ADGRF1: variants seen among roughly 807,000 people sequenced by gnomAD.
The protein encoded by ADGRF1 is adhesion G protein-coupled receptor F1.
In ADGRF1, 85 loss-of-function variants were observed where a neutral mutation model predicts 87.2. The ratio of observed to expected loss-of-function variants is 0.97; its 90% CI spans 0.82 to 1.17. The LOEUF (loss-of-function observed/expected upper bound fraction) is 1.17. Among genes scored for constraint, ADGRF1 ranks in the 50% most tolerant of loss-of-function variants. The pLI, the probability that ADGRF1 is intolerant of heterozygous loss-of-function variation, is 0.00. For synonymous variants in ADGRF1, 430 were observed against 408.8 expected, an observed-to-expected ratio of 1.05 and a Z score of -0.63; for missense variants, 1,169 against 1,077.2, an observed-to-expected ratio of 1.09 and a Z score of -1.19.
At chr6:47,040,404 GGAGCTTGCAGT>G (rs1780703589) in intron 1 of ADGRF1, among the ~76,000 whole-genome samples, 1 of 152,062 alleles carries the variant, frequency 6.6e-6, no homozygotes, top group Non-Finnish European at 1.5e-5. Flanking sequence ...CCCGGGAGGT[GGAGCTTGCAGT>G]GAGCCGAGAT....
intron 11 of ADGRF1, among the ~76,000 whole-genome samples, chr6:47,007,594 C>T (rs963744941): frequency 1.3e-5 from 2 of 152,236 alleles, no homozygotes; most frequent in African/African-American, 4.8e-5. Context: ...AAACAAATAG[C>T]ATCCTTTTTT....
chr6:47,024,752 C>T (rs552142053), intron 4 of ADGRF1, among the ~76,000 whole-genome samples: 1 of 152,232 alleles, frequency 6.6e-6, no homozygotes, highest in Admixed American at 6.5e-5. Flanking sequence ...AAGGATGAAA[C>T]CAGGACAGCA....
chr6:47,037,166 A>G (rs2113911974), intron 1 of ADGRF1, among the ~76,000 whole-genome samples: 1 of 152,312 alleles, frequency 6.6e-6, no homozygotes, highest in South Asian at 2.1e-4. Flanking sequence ...TAATGTTCCC[A>G]AATGGATAGG....
chr6:47,019,345 G>A (rs1249624582), intron 7 of ADGRF1: 1 of 985,028 alleles, frequency 1.0e-6, no homozygotes, highest in Non-Finnish European at 1.2e-6. Flanking sequence ...TGACTTAAAG[G>A]ATAATGCCCA....
intron 4 of ADGRF1, among the ~76,000 whole-genome samples, chr6:47,024,970 C>T (rs1780183379): frequency 6.6e-6 from 1 of 152,184 alleles, no homozygotes; most frequent in Non-Finnish European, 1.5e-5. Context: ...ATTTGACCAC[C>T]ATCTCATTGG....
chr6:47,027,875 A>T (rs1479019826), intron 2 of ADGRF1, 114 bp from the exon 3 acceptor site: 2 of 747,910 alleles, frequency 2.7e-6, no homozygotes. Context: ...CAAGCCAGGG[A>T]TGGTGGAGAG....
rs1780063431 is a variant in ADGRF1, at chr6:47,021,856, A to G, written c.552+102T>C. 25 of 664,564 alleles carry G rather than the reference A, an allele frequency of 3.8e-5. 1 individual carries two copies. In the South Asian group the frequency reaches 4.5e-4, roughly 12 times the overall value. The allele number at this position is 664,564 out of a possible 1,614,324, so 41.2% of individuals were successfully genotyped here. A position where few individuals can be genotyped will look rare whatever the true frequency, so the allele number is the denominator to read the frequency against. On this transcript the variant is annotated intron_variant, in intron 6 of 14. Transcript: ENST00000371253. ...CTGTTTTGTTATTTGCTCACTGAAAACGAATAATTAAGAATATGTATTAAA... is the reference window on the plus strand; with the variant it reads ...CTGTTTTGTTATTTGCTCACTGAAAGCGAATAATTAAGAATATGTATTAAA...
intron 12 of ADGRF1, among the ~76,000 whole-genome samples, chr6:47,006,892 C>A (rs1444901049): frequency 6.6e-6 from 1 of 152,124 alleles, no homozygotes; most frequent in Non-Finnish European, 1.5e-5. Context: ...TCAGCATATT[C>A]TAAATAAATG....
rs1779897569 is a variant in ADGRF1 at position 47,016,918 on chromosome 6, A to C, written c.612-150T>G. The C allele has an allele frequency of 4.2e-6, 4 of 951,586 alleles. No individual in the cohort carries two copies. In the South Asian group the frequency reaches 1.8e-4, roughly 42 times the overall value. 58.9% of individuals were successfully genotyped at this position (951,586 alleles called of 1,614,324 possible). On this transcript the variant is annotated intron_variant, in intron 7 of 14. Transcript: ENST00000371253. ...TGGATAAGGCAAGGCAAATAAAAAA[A>C]CAAGTATCCACCAAAAATACATATA...
chr6:47,009,796 C>CATCG lies in ADGRF1; in HGVS notation c.1635_1638dup (p.Ala547ArgfsTer9). On this transcript the variant is annotated frameshift_variant, in exon 11 of 15. Coordinates refer to ENST00000371253, the MANE Select transcript of ADGRF1 (RefSeq NM_153840.4). LOFTEE classifies it high-confidence loss of function. ...GTTTCATTCACTAGGTGGCAGCCTG[C>CATCG]ATCGTTCCACTGCAAATGACTGAAA... is the stretch of plus-strand genomic sequence containing the variant. 6.2e-7 allele frequency: 1 copy of CATCG among 1,614,146 alleles called. No individual in the cohort carries two copies. The highest frequency in any genetic ancestry group is 8.5e-7 in the Non-Finnish European group (1 of 1,180,024).
chr6:47,032,660 A>G (rs1780463116), intron 1 of ADGRF1, among the ~76,000 whole-genome samples: 1 of 152,232 alleles, frequency 6.6e-6, no homozygotes, highest in Non-Finnish European at 1.5e-5. Context: ...CATCAAGAAT[A>G]CAAGGAAAAT....
chr6:47,020,346 G>A (rs1298680348), intron 7 of ADGRF1: 5 of 865,458 alleles, frequency 5.8e-6, no homozygotes, highest in African/African-American at 3.5e-5. Flanking sequence ...TACAAAAAAA[G>A]TTAGCTGGAT....
chr6:47,014,830 T>C lies in ADGRF1; in HGVS notation c.778A>G (p.Ile260Val). 1 of 1,609,250 alleles carries C rather than the reference T, an allele frequency of 6.2e-7. No homozygotes were observed. Among genetic ancestry groups the C allele is most frequent in the East Asian group, 2.2e-5 (1 of 44,722 alleles). The change falls in exon 9 of 15, where the codon ATT becomes GTT. Residue 260 changes from isoleucine (I) to valine (V), a missense_variant. Transcript: ENST00000371253. ...TCCTTGGACCCAAATCCAAAGACAA[T>C]GTCATTACACTGGGCTGGAAACAAA... ...RVFGKAQCND[I>V]VFGFGSKDDE... is the part of the protein sequence containing the mutation.
In ADGRF1 at chr6:47,001,482, TG is replaced by T; in HGVS notation, c.2659+18del. On this transcript the variant is annotated intron_variant, in intron 14 of 14. Transcript: ENST00000371253. ...CTCTTTTCACACCTTTTATAACCTT[TG>T]GTTTTATTGTAACTCACCTTTGTTT... 1 of 1,608,484 alleles carries T rather than the reference TG, an allele frequency of 6.2e-7. No homozygotes were observed.
chr6:47,013,070 C>A, intron 9 of ADGRF1: 1 of 985,442 alleles, frequency 1.0e-6, no homozygotes, highest in Non-Finnish European at 1.2e-6. Context: ...CTGCACCCGG[C>A]CCTAGATTTG....
intron 14 of ADGRF1, among the ~76,000 whole-genome samples, chr6:47,000,725 C>T (rs1417634097): frequency 6.6e-6 from 1 of 152,184 alleles, no homozygotes; most frequent in Non-Finnish European, 1.5e-5. Flanking sequence ...TCTCCAGACA[C>T]TTGAACTTTA....
intron 12 of ADGRF1, 46 bp from the exon 13 acceptor site, chr6:47,005,922 TAC>T: frequency 7.8e-7 from 1 of 1,285,328 alleles, no homozygotes; most frequent in Admixed American, 2.0e-5. Context: ...CATACAATCA[TAC>T]ACAGACAAAT....
intron 1 of ADGRF1, among the ~76,000 whole-genome samples, chr6:47,031,731 A>T (rs900281491): frequency 2.0e-5 from 3 of 151,996 alleles, no homozygotes; most frequent in Admixed American, 6.6e-5. Context: ...TTATAATTAT[A>T]ATTATTATTA....
intron 13 of ADGRF1, 41 bp from the exon 14 acceptor site, chr6:47,001,608 T>C (rs781004824): frequency 6.7e-6 from 10 of 1,503,744 alleles, no homozygotes; most frequent in Non-Finnish European, 9.2e-6. Context: ...ATTAATAGCA[T>C]TCTTTTACTG....
Sources: gnomAD v4.1 joint callset for allele counts (sites outside exome capture counted in the v4.1 genomes callset) on GRCh38, gnomAD v4.1.1 for gene constraint, MANE v1.5 for transcripts, NCBI Gene and HGNC (gene_info 2026-07-23, HGNC 2026-07-21) for gene names.